Variants in CLVS1 observed in about 807,000 individuals in gnomAD.
CLVS1 encodes clavesin-1.
CLVS1 carries 10 observed loss-of-function variants against 33.1 expected under a neutral mutation model. That is an observed-to-expected ratio of 0.30 (90% CI 0.19 to 0.51). The LOEUF (loss-of-function observed/expected upper bound fraction) is 0.51, where lower values mean the gene tolerates loss of function less well. Among genes scored for constraint, CLVS1 ranks in the 20% least tolerant of loss-of-function variants. The probability of loss-of-function intolerance (pLI) is 0.97; values close to 1 mark genes in which losing one functional copy is unlikely to be tolerated. For missense variants in CLVS1, 343 were observed against 433.4 expected (o/e 0.79, Z 1.85); for synonymous variants, 163 against 166.1 (o/e 0.98, Z 0.14).
chr8:61,295,805 A>ATATATAT (rs1382205962), intron 1 of CLVS1, among the ~76,000 whole-genome samples: 16 of 152,176 alleles, frequency 1.1e-4, no homozygotes, highest in African/African-American at 3.9e-4. Context: ...CCTCATTTGA[A>ATATATAT]AAATGAGGAC....
At chr8:61,346,510 C>A (rs73682266) in intron 2 of CLVS1, among the ~76,000 whole-genome samples, 1,631 of 152,134 alleles carry the variant, frequency 0.011, 30 homozygotes, top group African/African-American at 0.037. Context: ...ATAAAGATTC[C>A]CAGCCAGTCC....
At chr8:61,351,722 A>G (rs2129599009) in intron 2 of CLVS1, among the ~76,000 whole-genome samples, 1 of 152,246 alleles carries the variant, frequency 6.6e-6, no homozygotes, top group South Asian at 2.1e-4. Context: ...AGGAACACCA[A>G]TTCAAGTGAC....
chr8:61,325,156 T>C (rs1308285349), intron 2 of CLVS1, among the ~76,000 whole-genome samples: 2 of 152,096 alleles, frequency 1.3e-5, no homozygotes, highest in Non-Finnish European at 2.9e-5. Flanking sequence ...GGTTCTCCCC[T>C]CTGAGACATC....
intron 2 of CLVS1, among the ~76,000 whole-genome samples, chr8:61,366,044 A>G (rs1813198157): frequency 1.3e-5 from 2 of 152,364 alleles, no homozygotes; most frequent in South Asian, 4.1e-4. Context: ...GATTTACTAG[A>G]ATAGACAAGC....
At chr8:61,381,008 G>A (rs961233141) in intron 3 of CLVS1, among the ~76,000 whole-genome samples, 1 of 152,034 alleles carries the variant, frequency 6.6e-6, no homozygotes, top group African/African-American at 2.4e-5. Context: ...TACGGATTTA[G>A]AGAAGTGTAT....
At chr8:61,182,442 G>A (rs1312164923) in intron 2 of CLVS1, among the ~76,000 whole-genome samples, 1 of 151,982 alleles carries the variant, frequency 6.6e-6, no homozygotes, top group African/African-American at 2.4e-5. Flanking sequence ...TCTGACAAAG[G>A]TCTAATATCC....
Position 61,115,348 on chromosome 8 carries a change from T to C in CLVS1, c.-242-16422T>C, listed in dbSNP as rs184398484. Reference sequence around the variant, plus strand: ...ATGGCAACTCTTATTTTTTTTATTTTATTTTTATTTTTATTTTTATTTATT... The same window carrying C: ...ATGGCAACTCTTATTTTTTTTATTTCATTTTTATTTTTATTTTTATTTATT... On this transcript the variant is annotated intron_variant, in intron 1 of 2. Coordinates refer to the CLVS1 transcript ENST00000522621. Among the ~76,000 whole-genome samples, 59 of 145,120 alleles carry C rather than the reference T, an allele frequency of 4.1e-4. 1 individual carries two copies. The East Asian group carries it at 7.4e-3, about 18-fold the overall frequency.
At chr8:61,438,502 T>C (rs991682572) in intron 3 of CLVS1, among the ~76,000 whole-genome samples, 1 of 152,202 alleles carries the variant, frequency 6.6e-6, no homozygotes, top group Non-Finnish European at 1.5e-5. Context: ...AGTACGTGTA[T>C]CTTTATAATG....
chr8:61,273,304 G>C (rs1189293880), intron 2 of CLVS1, among the ~76,000 whole-genome samples: 2 of 152,194 alleles, frequency 1.3e-5, no homozygotes, highest in Non-Finnish European at 2.9e-5. Context: ...AGGTTGCTCG[G>C]GGGTCAGGGT....
chr8:61,074,187 A>G (rs2129280995), intron 1 of CLVS1, among the ~76,000 whole-genome samples: 1 of 150,610 alleles, frequency 6.6e-6, no homozygotes, highest in Middle Eastern at 3.5e-3. Flanking sequence ...AAAATGCAAA[A>G]ATTAGCTGGG....
rs1563387098 is a variant in CLVS1 at position 61,057,401 on chromosome 8, CACACACACACA to C, written c.-243+172_-243+182del. 1.0e-3 allele frequency among the ~76,000 whole-genome samples: 154 copies of C among 151,484 alleles called. 1 individual carries two copies. The highest frequency in any genetic ancestry group is 3.7e-3 in the African/African-American group (151 of 41,142). On this transcript the variant is annotated intron_variant, in intron 1 of 2. Coordinates refer to the CLVS1 transcript ENST00000522621. The stretch of plus-strand genomic sequence containing the variant: ...ACACACACACACACACACACACACA[CACACACACACA>C]CCCCATCCAAGGAAAATTTGGCCTC...
chr8:61,167,827 C>T (rs956947076), intron 2 of CLVS1, among the ~76,000 whole-genome samples: 8 of 152,206 alleles, frequency 5.3e-5, no homozygotes, highest in Admixed American at 1.3e-4. Flanking sequence ...CACTGCTACA[C>T]TCCCACCAGC....
chr8:61,091,218 A>G (rs1585603478), intron 1 of CLVS1, among the ~76,000 whole-genome samples: 2 of 152,226 alleles, frequency 1.3e-5, no homozygotes, highest in African/African-American at 4.8e-5. Context: ...CGATGTGGCC[A>G]GGAGCCAAGG....
chr8:61,160,640 T>A (rs975763997), intron 2 of CLVS1, among the ~76,000 whole-genome samples: 3 of 152,188 alleles, frequency 2.0e-5, no homozygotes, highest in Non-Finnish European at 2.9e-5. Flanking sequence ...TTCCTGAGAT[T>A]AATTAGTAGC....
At chr8:61,153,886 G>A (rs1806595841) in intron 2 of CLVS1, among the ~76,000 whole-genome samples, 1 of 152,174 alleles carries the variant, frequency 6.6e-6, no homozygotes, top group Non-Finnish European at 1.5e-5. Flanking sequence ...GCATTTTCAA[G>A]CAAAATTGCA....
At chr8:60,975,291 G>T in the CLVS1 span, among the ~76,000 whole-genome samples, 1 of 152,104 alleles carries the variant, frequency 6.6e-6, no homozygotes, top group Non-Finnish European at 1.5e-5. Context: ...CCTACTTCAT[G>T]GCACTGATGC....
chr8:61,345,929 A>G (rs1480029821), intron 2 of CLVS1, among the ~76,000 whole-genome samples: 1 of 152,092 alleles, frequency 6.6e-6, no homozygotes, highest in Non-Finnish European at 1.5e-5. Context: ...CAGGGAACTC[A>G]GCCAGCTCAA....
intron 2 of CLVS1, among the ~76,000 whole-genome samples, chr8:61,265,991 C>T (rs899442453): frequency 3.3e-5 from 5 of 152,180 alleles, no homozygotes; most frequent in Non-Finnish European, 5.9e-5. Context: ...TTATTCCTGG[C>T]TCTTAGCAGG....
At chr8:61,406,554 T>C (rs1814992101) in intron 3 of CLVS1, among the ~76,000 whole-genome samples, 1 of 151,842 alleles carries the variant, frequency 6.6e-6, no homozygotes, top group South Asian at 2.1e-4. Flanking sequence ...AGGAAGAAAA[T>C]GTAAGCTAGT....
Sources: allele counts gnomAD v4.1 joint callset (sites outside exome capture counted in the v4.1 genomes callset), GRCh38; gene constraint gnomAD v4.1.1; transcripts MANE v1.5; gene names NCBI Gene and HGNC (gene_info 2026-07-23, HGNC 2026-07-21).